MDM4: variants seen among roughly 807,000 people sequenced by gnomAD.
MDM4 encodes the protein MDM4 regulator of p53.
MDM4 carries 2 observed loss-of-function variants against 60.2 expected under a neutral mutation model. The ratio of observed to expected loss-of-function variants is 0.03; its 90% CI spans 0.01 to 0.10. MDM4 has a LOEUF of 0.10. Among genes scored for constraint, MDM4 ranks in the 10% least tolerant of loss-of-function variants. The probability of loss-of-function intolerance (pLI) is 1.00; values close to 1 mark genes in which losing one functional copy is unlikely to be tolerated. For missense variants in MDM4, 447 were observed against 577.5 expected, an observed-to-expected ratio of 0.77 and a Z score of 2.32; for synonymous variants, 202 against 198.1, an observed-to-expected ratio of 1.02 and a Z score of -0.17.
At position 204,553,082 on chromosome 1, in the gene MDM4, A is replaced by C. The variant is rs911989312; in HGVS notation, c.*3400A>C. ...TAGAGATGGTTTCACCATGTTGGTC[A>C]GGCTGGTCTCGAACTCCTGACCTCA... On this transcript the variant is annotated 3_prime_UTR_variant, in exon 11 of 11. Coordinates refer to ENST00000367182, the MANE Select transcript of MDM4 (RefSeq NM_002393.5). 14 of 171,930 alleles carry C rather than the reference A, an allele frequency of 8.1e-5. No homozygotes were observed. The highest frequency in any genetic ancestry group is 3.3e-4 in the African/African-American group (14 of 42,076). 10.7% of individuals were successfully genotyped at this position (171,930 alleles called of 1,614,324 possible).
intron 9 of MDM4, among the ~76,000 whole-genome samples, chr1:204,545,281 C>A (rs545278418): frequency 6.6e-6 from 1 of 152,200 alleles, no homozygotes; most frequent in South Asian, 2.1e-4. Context: ...AAGATTATTT[C>A]TTTGTAGCTA....
intron 7 of MDM4, among the ~76,000 whole-genome samples, chr1:204,541,918 A>G (rs540084171): frequency 6.6e-6 from 1 of 152,180 alleles, no homozygotes; most frequent in Non-Finnish European, 1.5e-5. Flanking sequence ...GGGCAGGCCT[A>G]ATGTATTGGG....
chr1:204,523,207 T>C (rs1037231042), intron 1 of MDM4, among the ~76,000 whole-genome samples: 2 of 148,498 alleles, frequency 1.3e-5, no homozygotes, highest in African/African-American at 4.9e-5. Flanking sequence ...TGGTGGCTCA[T>C]GCCTGTAATC....
At chr1:204,532,500 TA>T in intron 5 of MDM4, 1 of 554,974 alleles carries the variant, frequency 1.8e-6, no homozygotes. Context: ...GACACACTTT[TA>T]AAAATCTCTA....
rs16853949 is a variant in MDM4, at chr1:204,554,135, C to A, written c.*4453C>A. ...TGTCAATTCAATGCAATGTTGGCTG[C>A]CTTTTGAAGTCTTTGATATATTGGT... On this transcript the variant is annotated 3_prime_UTR_variant, in exon 11 of 11. Transcript: ENST00000367182. 5,877 of 228,554 alleles carry A rather than the reference C, an allele frequency of 0.026. 144 individuals are homozygous for A. Among genetic ancestry groups the A allele is most frequent in the East Asian group, 0.072 (1,137 of 15,868 alleles). 14.2% of individuals were successfully genotyped at this position (228,554 alleles called of 1,614,324 possible). A position where few individuals can be genotyped will look rare whatever the true frequency, so the allele number is the denominator to read the frequency against.
intron 5 of MDM4, among the ~76,000 whole-genome samples, chr1:204,533,672 T>C (rs977542115): frequency 1.3e-5 from 2 of 152,264 alleles, no homozygotes; most frequent in African/African-American, 2.4e-5. Flanking sequence ...CCACTGTCTT[T>C]TGATAGTTTA....
At chr1:204,528,211 G>A (rs994481421) in intron 3 of MDM4, among the ~76,000 whole-genome samples, 4 of 152,024 alleles carry the variant, frequency 2.6e-5, no homozygotes, top group Non-Finnish European at 4.4e-5. Flanking sequence ...GGAGATGGAA[G>A]CCGAGCAGAG....
At chr1:204,521,361 T>C (rs1412455350) in intron 1 of MDM4, among the ~76,000 whole-genome samples, 1 of 152,216 alleles carries the variant, frequency 6.6e-6, no homozygotes, top group East Asian at 1.9e-4. Context: ...TTAAGTCAGG[T>C]GCAGCTGAGG....
In MDM4 at chr1:204,554,685, ATAG is replaced by A; in HGVS notation, c.*5005_*5007del. The A allele has an allele frequency of 4.4e-6, 1 of 227,834 alleles. No homozygotes were observed. The highest frequency in any genetic ancestry group is 8.7e-6 in the Non-Finnish European group (1 of 114,738). 14.1% of individuals were successfully genotyped at this position (227,834 alleles called of 1,614,324 possible). A position where few individuals can be genotyped will look rare whatever the true frequency, so the allele number is the denominator to read the frequency against. Reference sequence around the variant, plus strand: ...CTAAACAAAATAATCAGTATCTGAGATAGTGGCTAATGTGGCTCCCCAGGCCTA... The same window carrying A: ...CTAAACAAAATAATCAGTATCTGAGATGGCTAATGTGGCTCCCCAGGCCTA... On this transcript the variant is annotated 3_prime_UTR_variant, in exon 11 of 11. Transcript: ENST00000367182.
intron 1 of MDM4, among the ~76,000 whole-genome samples, chr1:204,522,818 G>C (rs943787738): frequency 7.2e-5 from 11 of 151,894 alleles, no homozygotes; most frequent in Non-Finnish European, 1.6e-4. Flanking sequence ...CTTTTCAGAA[G>C]CATGAGGGAT....
At position 204,552,885 on chromosome 1, in the gene MDM4, T is replaced by TTA; in HGVS notation, c.*3204_*3205insAT. 1 of 164,408 alleles carries TTA rather than the reference T, an allele frequency of 6.1e-6. No homozygotes were observed. 10.2% of individuals were successfully genotyped at this position (164,408 alleles called of 1,614,324 possible). On this transcript the variant is annotated 3_prime_UTR_variant, in exon 11 of 11. Coordinates refer to ENST00000367182, the MANE Select transcript of MDM4 (RefSeq NM_002393.5). ...TTCTTTTCTTTTCTTTTTTTTTTTT[T>TTA]TTTACTTGAGATGGAGTTTTGCTCT...
At position 204,557,385 on chromosome 1, in the gene MDM4, C is replaced by T. The variant is rs1052506518; in HGVS notation, c.*7703C>T. The T allele has an allele frequency of 1.7e-5, 3 of 181,254 alleles. No individual in the cohort carries two copies. The highest frequency in any genetic ancestry group is 3.5e-5 in the Non-Finnish European group (3 of 84,998). The allele number at this position is 181,254 out of a possible 1,614,324, so 11.2% of individuals were successfully genotyped here. ...ATTCTATCCTGATAAAACCACCTTG[C>T]TGTGGTCTTGATGTACAAAAAAAAA... On this transcript the variant is annotated 3_prime_UTR_variant, in exon 11 of 11. Transcript: ENST00000367182.
intron 7 of MDM4, among the ~76,000 whole-genome samples, chr1:204,541,672 A>G (rs1026980049): frequency 1.3e-5 from 2 of 152,184 alleles, no homozygotes; most frequent in African/African-American, 2.4e-5. Context: ...GAGCTCGAGT[A>G]GGGAAGAATA....
At chr1:204,518,155 C>CA (rs1263619416) in intron 1 of MDM4, among the ~76,000 whole-genome samples, 2 of 151,930 alleles carry the variant, frequency 1.3e-5, no homozygotes, top group African/African-American at 4.8e-5. Flanking sequence ...GAGCCTGTCT[C>CA]AAAAAAAGAG....
In MDM4 at chr1:204,552,041, CTT is replaced by C. The variant is rs1330851631; in HGVS notation, c.*2361_*2362del. ...GTGGCTCACGCCTGTAATCCCAACA[CTT>C]TGGGAGATCACCTAGGTCGGGAGTT... On this transcript the variant is annotated 3_prime_UTR_variant, in exon 11 of 11. Transcript: ENST00000367182. 5.9e-6 allele frequency: 1 copy of C among 168,792 alleles called. No homozygotes were observed. Among genetic ancestry groups the C allele is most frequent in the Non-Finnish European group, 1.3e-5 (1 of 78,506 alleles). 10.5% of individuals were successfully genotyped at this position (168,792 alleles called of 1,614,324 possible). A position where few individuals can be genotyped will look rare whatever the true frequency, so the allele number is the denominator to read the frequency against.
Position 204,546,811 on chromosome 1 carries a change from A to G in MDM4, c.837A>G (p.Gly279=). 6.2e-7 allele frequency: 1 copy of G among 1,609,608 alleles called. No homozygotes were observed. The highest frequency in any genetic ancestry group is 8.5e-7 in the Non-Finnish European group (1 of 1,176,394). ...TGCCTTCACAGGTGATTGAAGTGGG[A>G]AAAAATGATGACCTGGAGGACTCTA... ...KVSDKKVIEV[G]KNDDLEDSKS... Residue 279 remains glycine, a synonymous_variant, in exon 10 of 11, where the codon GGA becomes GGG. Coordinates refer to ENST00000367182, the MANE Select transcript of MDM4 (RefSeq NM_002393.5).
rs536137439 is a variant in MDM4, at chr1:204,535,602, C to T, written c.344-1828C>T. 1.3e-4 allele frequency among the ~76,000 whole-genome samples: 19 copies of T among 151,948 alleles called. No individual in the cohort carries two copies. In the East Asian group the frequency reaches 2.2e-3, roughly 17 times the overall value. ...AGGCTGGAGTGCAGTGGTGCGATCT[C>T]GGCTCACTGCAACCTCTGCCTCCTG... On this transcript the variant is annotated intron_variant, in intron 5 of 10. Transcript: ENST00000367182.
rs1442251225 is a variant in MDM4, at chr1:204,555,945, T to TA, written c.*6265dup. The TA allele has an allele frequency of 4.9e-6, 1 of 202,692 alleles. No homozygotes were observed. The highest frequency in any genetic ancestry group is 2.3e-5 in the African/African-American group (1 of 43,638). The allele number at this position is 202,692 out of a possible 1,614,324, so 12.6% of individuals were successfully genotyped here. A position where few individuals can be genotyped will look rare whatever the true frequency, so the allele number is the denominator to read the frequency against. On this transcript the variant is annotated 3_prime_UTR_variant, in exon 11 of 11. Transcript: ENST00000367182. Reference sequence around the variant, plus strand: ...GGCACTGTTTTTTTTTTTAAACAGTTAAGTACTGATGTCAACAGACAAATA... The same window carrying TA: ...GGCACTGTTTTTTTTTTTAAACAGTTAAAGTACTGATGTCAACAGACAAATA...
At chr1:204,528,223 G>A (rs1468977649) in intron 3 of MDM4, among the ~76,000 whole-genome samples, 3 of 152,292 alleles carry the variant, frequency 2.0e-5, no homozygotes, top group Admixed American at 6.5e-5. Flanking sequence ...CGAGCAGAGC[G>A]TGGCAGGCAA....
Sources: gnomAD v4.1 joint callset for allele counts (sites outside exome capture counted in the v4.1 genomes callset) on GRCh38, gnomAD v4.1.1 for gene constraint, MANE v1.5 for transcripts, NCBI Gene and HGNC (gene_info 2026-07-23, HGNC 2026-07-21) for gene names.